The following ZNF385D variants were observed in gnomAD, a reference collection of about 807,000 sequenced individuals.
The protein encoded by ZNF385D is zinc finger protein 659.
A neutral mutation model predicts 35.8 loss-of-function variants in ZNF385D; 15 were observed. That is an observed-to-expected ratio of 0.42 (90% CI 0.28 to 0.64). ZNF385D has a LOEUF of 0.64. ZNF385D is among the 30% of genes least tolerant of loss of function. ZNF385D has a pLI of 0.23. For missense variants in ZNF385D, 474 were observed against 494.6 expected (o/e 0.96, Z 0.39); for synonymous variants, 212 against 186.8 (o/e 1.13, Z -1.10).
chr3:21,903,764 C>A (rs567061646), intron 3 of ZNF385D, among the ~76,000 whole-genome samples: 3 of 152,160 alleles, frequency 2.0e-5, no homozygotes, highest in South Asian at 2.1e-4. Context: ...TTTGAGTAAA[C>A]CCTAATAAAG....
chr3:21,936,352 T>A (rs1701257729), intron 3 of ZNF385D, among the ~76,000 whole-genome samples: 1 of 151,994 alleles, frequency 6.6e-6, no homozygotes, highest in South Asian at 2.1e-4. Context: ...TTCTCAAGAT[T>A]TTTAAAGTAG....
chr3:22,372,124 C>T (rs886110977), intron 2 of ZNF385D, among the ~76,000 whole-genome samples: 1 of 152,108 alleles, frequency 6.6e-6, no homozygotes, highest in African/African-American at 2.4e-5. Context: ...ACCTCGCCCC[C>T]CCGCCTCGGC....
chr3:22,135,815 A>G (rs1704065138), intron 3 of ZNF385D, among the ~76,000 whole-genome samples: 1 of 152,238 alleles, frequency 6.6e-6, no homozygotes, highest in Admixed American at 6.5e-5. Context: ...GAGAGTCCAG[A>G]AATTGACCCA....
At chr3:21,516,543 A>T (rs1016591643) in intron 3 of ZNF385D, among the ~76,000 whole-genome samples, 4 of 152,156 alleles carry the variant, frequency 2.6e-5, no homozygotes, top group Admixed American at 2.0e-4. Context: ...ATGAATTTAA[A>T]TCTGCATAAC....
intron 3 of ZNF385D, among the ~76,000 whole-genome samples, chr3:22,059,795 T>C (rs542809043): frequency 2.0e-5 from 3 of 152,340 alleles, no homozygotes; most frequent in African/African-American, 7.2e-5. Flanking sequence ...TTGACTGGGC[T>C]AAGGGATGCT....
At chr3:21,839,300 A>G (rs1356375840) in intron 3 of ZNF385D, among the ~76,000 whole-genome samples, 1 of 152,088 alleles carries the variant, frequency 6.6e-6, no homozygotes, top group African/African-American at 2.4e-5. Context: ...TGAAATTCTC[A>G]GGAGTAGCTA....
intron 3 of ZNF385D, among the ~76,000 whole-genome samples, chr3:21,762,219 C>T (rs1290160983): frequency 6.6e-6 from 1 of 152,020 alleles, no homozygotes; most frequent in East Asian, 1.9e-4. Context: ...GGATAATATT[C>T]GAAGTTCTCT....
At chr3:21,450,623 C>G (rs972871601) in intron 4 of ZNF385D, among the ~76,000 whole-genome samples, 6 of 152,114 alleles carry the variant, frequency 3.9e-5, no homozygotes, top group Admixed American at 1.3e-4. Flanking sequence ...GGATAGAACT[C>G]AGTTTTATAA....
At chr3:22,250,085 A>G (rs902527466) in intron 2 of ZNF385D, among the ~76,000 whole-genome samples, 1 of 152,160 alleles carries the variant, frequency 6.6e-6, no homozygotes, top group Non-Finnish European at 1.5e-5. Context: ...CTGTTTACTC[A>G]TAAATTTGTA....
At chr3:22,303,286 T>C (rs149112164) in intron 2 of ZNF385D, among the ~76,000 whole-genome samples, 363 of 152,256 alleles carry the variant, frequency 2.4e-3, no homozygotes, top group Non-Finnish European at 4.2e-3. Flanking sequence ...CCATTGTCAA[T>C]GAGATTTCCC....
intron 2 of ZNF385D, among the ~76,000 whole-genome samples, chr3:22,284,185 GTTTGTTTGTT>G (rs1316436226): frequency 2.6e-5 from 4 of 151,420 alleles, no homozygotes; most frequent in Admixed American, 6.6e-5. Context: ...ATTTTTGTTT[GTTTGTTTGTT>G]TTTGTTTTTG....
intron 3 of ZNF385D, among the ~76,000 whole-genome samples, chr3:21,562,306 GTA>G (rs1282373821): frequency 1.3e-5 from 2 of 151,950 alleles, no homozygotes; most frequent in African/African-American, 4.8e-5. Context: ...ATAAAAATAT[GTA>G]TGTGTTTTCT....
intron 2 of ZNF385D, among the ~76,000 whole-genome samples, chr3:21,598,085 A>C (rs962719299): frequency 6.6e-6 from 1 of 152,184 alleles, no homozygotes; most frequent in Admixed American, 6.5e-5. Flanking sequence ...ACACATTTCT[A>C]ATAATTCATA....
intron 2 of ZNF385D, among the ~76,000 whole-genome samples, chr3:22,311,226 C>T (rs896245156): frequency 2.6e-5 from 4 of 151,888 alleles, no homozygotes; most frequent in Admixed American, 6.6e-5. Flanking sequence ...TACATGAATG[C>T]TAATACTTTT....
intron 4 of ZNF385D, among the ~76,000 whole-genome samples, chr3:21,455,635 A>G (rs1386966004): frequency 6.6e-6 from 1 of 152,204 alleles, no homozygotes; most frequent in Non-Finnish European, 1.5e-5. Flanking sequence ...TAAAAACCCT[A>G]GAAGAAAACC....
At chr3:21,950,680 G>T (rs1043034265) in intron 3 of ZNF385D, among the ~76,000 whole-genome samples, 7 of 151,700 alleles carry the variant, frequency 4.6e-5, no homozygotes, top group Middle Eastern at 3.2e-3. Flanking sequence ...ATGGTTTTAG[G>T]TCTTACATTT....
chr3:22,087,372 T>C (rs1414414439), intron 3 of ZNF385D, among the ~76,000 whole-genome samples: 3 of 152,188 alleles, frequency 2.0e-5, no homozygotes, highest in African/African-American at 7.2e-5. Flanking sequence ...ATGATATTAC[T>C]CAGTCTCCCT....
At chr3:22,351,681 T>A (rs77724475) in intron 2 of ZNF385D, among the ~76,000 whole-genome samples, 1 of 152,130 alleles carries the variant, frequency 6.6e-6, no homozygotes, top group Admixed American at 6.6e-5. Flanking sequence ...TGGTGGTAGT[T>A]TGAGACTAAA....
intron 3 of ZNF385D, among the ~76,000 whole-genome samples, chr3:21,823,712 A>T (rs1185365445): frequency 2.6e-5 from 4 of 152,148 alleles, no homozygotes; most frequent in Non-Finnish European, 5.9e-5. Context: ...CTCCTTAACC[A>T]CAGAAGGTAT....
Sources: allele counts gnomAD v4.1 joint callset (sites outside exome capture counted in the v4.1 genomes callset), GRCh38; gene constraint gnomAD v4.1.1; transcripts MANE v1.5; gene names NCBI Gene and HGNC (gene_info 2026-07-23, HGNC 2026-07-21).